Variants in DCC observed in about 807,000 individuals in gnomAD.
DCC encodes DCC netrin 1 receptor.
Under a neutral mutation model 172.5 loss-of-function variants are expected in DCC, and 58 were observed. The observed-to-expected ratio is 0.34, with a 90% CI of 0.27 to 0.42. DCC has a LOEUF of 0.42. Ranked by LOEUF, DCC falls within the 10% of genes least tolerant of loss-of-function variation. The pLI is 1.00. For synonymous variants in DCC, 709 were observed against 644.5 expected, an observed-to-expected ratio of 1.10 and a Z score of -1.52; for missense variants, 1,740 against 1,791.0, an observed-to-expected ratio of 0.97 and a Z score of 0.51.
At chr18:52,382,609 G>A (rs764533630) in intron 1 of DCC, among the ~76,000 whole-genome samples, 17 of 152,190 alleles carry the variant, frequency 1.1e-4, no homozygotes, top group Non-Finnish European at 1.9e-4. Flanking sequence ...TTGTAATGAC[G>A]ACATATTGGA....
chr18:52,867,610 G>T (rs1184934802), intron 2 of DCC, among the ~76,000 whole-genome samples: 2 of 151,952 alleles, frequency 1.3e-5, no homozygotes, highest in African/African-American at 4.8e-5. Flanking sequence ...TTTAGTCTTG[G>T]GAGGGCGTAT....
intron 9 of DCC, among the ~76,000 whole-genome samples, chr18:53,190,947 G>GAAAC (rs751588842): frequency 4.5e-4 from 69 of 152,072 alleles, no homozygotes; most frequent in East Asian, 2.3e-3. Context: ...TCCGTCTTAA[G>GAAAC]AAACAAACAA....
rs2046462606 is a variant in DCC, at chr18:53,526,883, T to C, written c.4254+124T>C. On this transcript the variant is annotated intron_variant, in intron 28 of 28. Coordinates refer to ENST00000442544, the MANE Select transcript of DCC (RefSeq NM_005215.4). ...CCACCCCAGGCCATTGTTGTTCTTA[T>C]TGTTGTTTGTTCCTTTGTTTTCCTG... 7 of 420,298 alleles carry C rather than the reference T, an allele frequency of 1.7e-5. No individual in the cohort carries two copies. The South Asian group carries it at 1.7e-4, about 10-fold the overall frequency. The allele number at this position is 420,298 out of a possible 1,614,324, so 26.0% of individuals were successfully genotyped here. A position where few individuals can be genotyped will look rare whatever the true frequency, so the allele number is the denominator to read the frequency against.
chr18:53,295,854 C>T (rs2057061119), intron 12 of DCC, among the ~76,000 whole-genome samples: 1 of 152,168 alleles, frequency 6.6e-6, no homozygotes, highest in Admixed American at 6.5e-5. Flanking sequence ...GACTTGTCCT[C>T]CTTTGCATTT....
intron 23 of DCC, among the ~76,000 whole-genome samples, chr18:53,457,817 A>G (rs1249925208): frequency 6.6e-6 from 1 of 152,048 alleles, no homozygotes. Context: ...AGGTAGTGTT[A>G]TTTTTTCTCT....
chr18:52,559,465 A>G (rs12962283), intron 1 of DCC, among the ~76,000 whole-genome samples: 20,907 of 152,172 alleles, frequency 0.14, 1,516 homozygotes, highest in South Asian at 0.22. Context: ...ATCTCCTGTA[A>G]AAAGAGATTC....
At chr18:52,743,371 C>T (rs1326342288) in intron 1 of DCC, among the ~76,000 whole-genome samples, 1 of 152,194 alleles carries the variant, frequency 6.6e-6, no homozygotes, top group Non-Finnish European at 1.5e-5. Context: ...GATTAAGCAA[C>T]ACATCAAAGT....
At position 53,217,304 on chromosome 18, in the gene DCC, T is replaced by C. The variant is rs8099147; in HGVS notation, c.1911+1707T>C. Reference sequence around the variant, plus strand: ...ACACACACACACACACACACACATATGTATATACACACACACACACACACA... The same window carrying C: ...ACACACACACACACACACACACATACGTATATACACACACACACACACACA... On this transcript the variant is annotated intron_variant, in intron 12 of 28. Coordinates refer to ENST00000442544, the MANE Select transcript of DCC (RefSeq NM_005215.4). 3.5e-3 allele frequency among the ~76,000 whole-genome samples: 382 copies of C among 108,666 alleles called. 2 individuals carry two copies. Among genetic ancestry groups the C allele is most frequent in the African/African-American group, 0.011 (212 of 20,096 alleles). The allele number at this position is 108,666 out of a possible 152,430, so 71.3% of individuals were successfully genotyped here.
At chr18:52,829,295 G>A (rs1484979032) in intron 2 of DCC, among the ~76,000 whole-genome samples, 3 of 152,170 alleles carry the variant, frequency 2.0e-5, no homozygotes, top group African/African-American at 7.2e-5. Flanking sequence ...ATTCAAGGGT[G>A]AACTTACAGT....
At chr18:52,588,484 C>T (rs1332672567) in intron 1 of DCC, among the ~76,000 whole-genome samples, 1 of 152,112 alleles carries the variant, frequency 6.6e-6, no homozygotes, top group African/African-American at 2.4e-5. Context: ...CACTAGAGAA[C>T]AAAAAATCAA....
chr18:52,915,530 C>T (rs1039981136), intron 3 of DCC, among the ~76,000 whole-genome samples: 15 of 152,050 alleles, frequency 9.9e-5, no homozygotes, highest in Non-Finnish European at 1.9e-4. Context: ...TATTCTCTTC[C>T]TTTAATACAT....
intron 12 of DCC, among the ~76,000 whole-genome samples, chr18:53,274,598 A>G (rs893937764): frequency 6.6e-6 from 1 of 152,156 alleles, no homozygotes; most frequent in African/African-American, 2.4e-5. Flanking sequence ...ATCTACTCCT[A>G]GAATTAGATT....
chr18:53,372,734 T>A (rs1453990586), intron 15 of DCC, among the ~76,000 whole-genome samples: 1 of 151,798 alleles, frequency 6.6e-6, no homozygotes, highest in Admixed American at 6.6e-5. Flanking sequence ...AGTTGAAAAT[T>A]CACTTCTAAT....
At chr18:52,383,435 G>T (rs1985666986) in intron 1 of DCC, among the ~76,000 whole-genome samples, 1 of 151,942 alleles carries the variant, frequency 6.6e-6, no homozygotes, top group Non-Finnish European at 1.5e-5. Context: ...TCTATTACAT[G>T]ATTTTCCAGT....
intron 1 of DCC, among the ~76,000 whole-genome samples, chr18:52,433,925 A>G (rs1456998423): frequency 6.6e-6 from 1 of 152,202 alleles, no homozygotes; most frequent in Non-Finnish European, 1.5e-5. Flanking sequence ...GTTGAACCTA[A>G]GAATGTCAGT....
At chr18:53,174,971 A>G (rs1417556777) in intron 8 of DCC, among the ~76,000 whole-genome samples, 2 of 152,280 alleles carry the variant, frequency 1.3e-5, no homozygotes, top group African/African-American at 4.8e-5. Context: ...CAAAAAGCTT[A>G]TTCACCATGA....
intron 2 of DCC, among the ~76,000 whole-genome samples, chr18:52,859,457 T>G (rs1428253916): frequency 2.6e-5 from 4 of 152,118 alleles, no homozygotes; most frequent in African/African-American, 9.7e-5. Context: ...TATACAATCT[T>G]GAGGTTACAG....
chr18:52,840,057 A>G (rs1245393799), intron 2 of DCC, among the ~76,000 whole-genome samples: 1 of 152,176 alleles, frequency 6.6e-6, no homozygotes, highest in African/African-American at 2.4e-5. Context: ...AGTGGGCCCC[A>G]GTTACTTAAC....
At chr18:52,897,893 G>A (rs1226589892) in intron 2 of DCC, among the ~76,000 whole-genome samples, 1 of 152,190 alleles carries the variant, frequency 6.6e-6, no homozygotes, top group Non-Finnish European at 1.5e-5. Flanking sequence ...GCTTGCAGAG[G>A]GATGTGGCAA....
Sources: gnomAD v4.1 joint callset for allele counts (sites outside exome capture counted in the v4.1 genomes callset) on GRCh38, gnomAD v4.1.1 for gene constraint, MANE v1.5 for transcripts, NCBI Gene and HGNC (gene_info 2026-07-23, HGNC 2026-07-21) for gene names.